RAD51B: variants seen among roughly 807,000 people sequenced by gnomAD.
RAD51B encodes RAD51 paralog B, also known as DNA repair protein RAD51 homolog 2.
In RAD51B, 38 loss-of-function variants were observed where a neutral mutation model predicts 42.2. That is an observed-to-expected ratio of 0.90 (90% CI 0.70 to 1.18). The LOEUF is 1.18. RAD51B is among the 50% of genes most tolerant of loss of function. RAD51B has a pLI of 0.00. For missense variants in RAD51B, 373 were observed against 400.7 expected, an observed-to-expected ratio of 0.93 and a Z score of 0.59; for synonymous variants, 154 against 145.2, an observed-to-expected ratio of 1.06 and a Z score of -0.43.
At position 68,053,214 on chromosome 14, in the gene RAD51B, G is replaced by A. The variant is rs184048095; in HGVS notation, c.756+166010G>A. The stretch of plus-strand genomic sequence containing the variant: ...GGGAAGCTTTTATTTTAGACATTTA[G>A]GGTATAGTTTTGAATTAAAGGCTAT... On this transcript the variant is annotated intron_variant, in intron 7 of 10. Transcript: ENST00000471583. 3.1e-3 allele frequency among the ~76,000 whole-genome samples: 465 copies of A among 152,212 alleles called. 1 individual carries two copies. The highest frequency in any genetic ancestry group is 0.011 in the African/African-American group (442 of 41,526).
chr14:68,111,808 A>G (rs2077463445), intron 7 of RAD51B, among the ~76,000 whole-genome samples: 1 of 152,060 alleles, frequency 6.6e-6, no homozygotes, highest in Non-Finnish European at 1.5e-5. Context: ...ACAGACTCAA[A>G]GCAGATGGTC....
chr14:68,020,783 CATTG>C (rs1437337014), intron 7 of RAD51B, among the ~76,000 whole-genome samples: 2 of 152,108 alleles, frequency 1.3e-5, no homozygotes, highest in Non-Finnish European at 2.9e-5. Context: ...ATTTAAAAAA[CATTG>C]ATTGTTTACA....
At chr14:68,366,055 T>C (rs185884490) in intron 8 of RAD51B, among the ~76,000 whole-genome samples, 1 of 152,372 alleles carries the variant, frequency 6.6e-6, no homozygotes, top group Admixed American at 6.5e-5. Context: ...CTTTTTTTGA[T>C]AACTAGTTAT....
At chr14:68,364,917 C>T (rs1448254258) in intron 8 of RAD51B, among the ~76,000 whole-genome samples, 2 of 152,188 alleles carry the variant, frequency 1.3e-5, no homozygotes, top group Non-Finnish European at 1.5e-5. Context: ...TGGACCTCCG[C>T]ATTCTTTCAA....
At chr14:68,504,534 G>T (rs914516963) in intron 10 of RAD51B, among the ~76,000 whole-genome samples, 1 of 152,158 alleles carries the variant, frequency 6.6e-6, no homozygotes, top group Non-Finnish European at 1.5e-5. Flanking sequence ...TGTCTGGGCT[G>T]GGCCCATGCA....
chr14:68,491,924 G>T (rs1424805567), intron 10 of RAD51B, among the ~76,000 whole-genome samples: 2 of 152,200 alleles, frequency 1.3e-5, no homozygotes, highest in Admixed American at 6.5e-5. Flanking sequence ...AGTGAAAGTG[G>T]AGTCCTTCCA....
chr14:68,070,792 CT>C (rs796629690), intron 7 of RAD51B, among the ~76,000 whole-genome samples: 1,686 of 139,508 alleles, frequency 0.012, 23 homozygotes, highest in African/African-American at 0.036. Flanking sequence ...AATTTTAGTG[CT>C]TTTTTTTTTT....
chr14:67,879,054 G>A (rs2140033069), intron 5 of RAD51B, among the ~76,000 whole-genome samples: 1 of 152,272 alleles, frequency 6.6e-6, no homozygotes, highest in Middle Eastern at 3.4e-3. Context: ...GCTCCATTAG[G>A]AAAATAGAAC....
intron 10 of RAD51B, among the ~76,000 whole-genome samples, chr14:68,631,361 C>G (rs766708573): frequency 2.6e-5 from 4 of 152,152 alleles, no homozygotes; most frequent in Admixed American, 6.5e-5. Context: ...CAGAACCGTC[C>G]CTCATAACAT....
At chr14:68,009,888 T>C (rs2075655089) in intron 7 of RAD51B, among the ~76,000 whole-genome samples, 1 of 151,990 alleles carries the variant, frequency 6.6e-6, no homozygotes, top group South Asian at 2.1e-4. Context: ...CTATTCTATC[T>C]TATTCTCATA....
At chr14:68,367,963 T>C (rs117761462) in intron 8 of RAD51B, among the ~76,000 whole-genome samples, 3 of 152,308 alleles carry the variant, frequency 2.0e-5, no homozygotes, top group Non-Finnish European at 2.9e-5. Context: ...AGAGAGCCCA[T>C]AGGGAACATT....
rs35806526 is a variant in RAD51B at position 68,082,472 on chromosome 14, G to GATAT, written c.756+195281_756+195284dup. Among the ~76,000 whole-genome samples the GATAT allele has an allele frequency of 1.6e-3, 243 of 149,364 alleles. 1 individual carries two copies. The highest frequency in any genetic ancestry group is 3.9e-3 in the African/African-American group (160 of 40,714). ...AAATATTTGATATGCATAGGAGAAA[G>GATAT]ATATATATATATATATGTATTTATG... On this transcript the variant is annotated intron_variant, in intron 7 of 10. Coordinates refer to ENST00000471583, the MANE Select transcript of RAD51B (RefSeq NM_133510.4).
chr14:68,663,862 A>C (rs2024945), intron 11 of RAD51B, among the ~76,000 whole-genome samples: 10,361 of 152,324 alleles, frequency 0.068, 503 homozygotes, highest in Middle Eastern at 0.12. Context: ...AAATGGGAGC[A>C]GTAGTCCCCT....
At chr14:68,073,750 T>A (rs1018203397) in intron 7 of RAD51B, among the ~76,000 whole-genome samples, 1 of 152,236 alleles carries the variant, frequency 6.6e-6, no homozygotes, top group Non-Finnish European at 1.5e-5. Context: ...TATCTTAGCA[T>A]TTGCTTGCCT....
chr14:68,653,999 C>T (rs1892757775), intron 11 of RAD51B, among the ~76,000 whole-genome samples: 2 of 152,232 alleles, frequency 1.3e-5, no homozygotes, highest in Admixed American at 6.5e-5. Flanking sequence ...GATGCTTGCA[C>T]TTGATCCTGA....
At chr14:68,408,562 A>G (rs1052261932) in intron 8 of RAD51B, among the ~76,000 whole-genome samples, 5 of 152,192 alleles carry the variant, frequency 3.3e-5, no homozygotes, top group East Asian at 1.9e-4. Context: ...TGCAAGCTTG[A>G]TGGGAATGAG....
In RAD51B at chr14:68,403,102, A is replaced by T. The variant is rs376893555; in HGVS notation, c.854-8322A>T. On this transcript the variant is annotated intron_variant, in intron 8 of 10. Coordinates refer to ENST00000471583, the MANE Select transcript of RAD51B (RefSeq NM_133510.4). ...AATGCAGTTCCAGTGGTAACATACC[A>T]TCTTCTTCCCTGGATTTATTTCAAT... Among the ~76,000 whole-genome samples the T allele has an allele frequency of 2.5e-4, 38 of 152,346 alleles. 2 individuals carry two copies. In the South Asian group the frequency reaches 7.7e-3, roughly 31 times the overall value.
intron 10 of RAD51B, among the ~76,000 whole-genome samples, chr14:68,619,347 C>G (rs1891894821): frequency 6.6e-6 from 1 of 151,780 alleles, no homozygotes; most frequent in Non-Finnish European, 1.5e-5. Context: ...CCTGTAGTCC[C>G]AGCTACTCAG....
At chr14:68,231,260 T>A (rs780553131) in intron 7 of RAD51B, among the ~76,000 whole-genome samples, 5 of 152,188 alleles carry the variant, frequency 3.3e-5, no homozygotes, top group Non-Finnish European at 7.4e-5. Flanking sequence ...GCCACCTTTT[T>A]CTTCTCTCTT....
Sources: gnomAD v4.1 joint callset for allele counts (sites outside exome capture counted in the v4.1 genomes callset) on GRCh38, gnomAD v4.1.1 for gene constraint, MANE v1.5 for transcripts, NCBI Gene and HGNC (gene_info 2026-07-23, HGNC 2026-07-21) for gene names.